TNIP2: variants seen among roughly 807,000 people sequenced by gnomAD.
TNIP2 encodes TNFAIP3 interacting protein 2, also known as TNFAIP3-interacting protein 2.
In TNIP2, 30 loss-of-function variants were observed where a neutral mutation model predicts 43.7. The observed-to-expected ratio is 0.69, with a 90% confidence interval of 0.51 to 0.93. The LOEUF is 0.93. Ranked by LOEUF, TNIP2 falls within the 40% of genes least tolerant of loss-of-function variation. TNIP2 has a pLI of 0.00. For synonymous variants in TNIP2, 260 were observed against 254.6 expected (o/e 1.02, Z -0.20); for missense variants, 599 against 591.0 (o/e 1.01, Z -0.14).
chr4:2,742,661 A>G, intron 5 of TNIP2, 141 bp from the exon 6 acceptor site: 2 of 859,828 alleles, frequency 2.3e-6, no homozygotes, highest in Non-Finnish European at 3.4e-6. Context: ...TGCGCCCCAG[A>G]GCCCAGACAA....
intron 2 of TNIP2, among the ~76,000 whole-genome samples, chr4:2,746,474 A>C (rs1669575131): frequency 6.6e-6 from 1 of 152,162 alleles, no homozygotes; most frequent in South Asian, 2.1e-4. Context: ...TCAGACCAGA[A>C]CACCCTGCCT....
Position 2,742,386 on chromosome 4 carries a change from AG to A in TNIP2, c.1160del (p.Pro387LeufsTer73). 6.2e-7 allele frequency: 1 copy of A among 1,609,596 alleles called. No homozygotes were observed. Among genetic ancestry groups the A allele is most frequent in the Non-Finnish European group, 8.5e-7 (1 of 1,177,728 alleles). On this transcript the variant is annotated frameshift_variant, in exon 6 of 6. Transcript: ENST00000315423. LOFTEE classifies it low-confidence loss of function (END_TRUNC). The stretch of plus-strand genomic sequence containing the variant: ...CCGCGCCAGGATGCCCGCCCTCTGC[AG>A]GGGGTTCTGGCTGCTGGGACCCAGT... ...PGTGSQQPEP[P>X]AEGGHPGAAQ...
In TNIP2 at chr4:2,742,513, C is replaced by G; in HGVS notation, c.1034G>C (p.Arg345Pro). 6.3e-7 allele frequency: 1 copy of G among 1,584,056 alleles called. No individual in the cohort carries two copies. The highest frequency in any genetic ancestry group is 8.6e-7 in the Non-Finnish European group (1 of 1,160,858). Residue 345 changes from arginine to proline, a missense_variant, in exon 6 of 6, where the codon CGA becomes CCA. Arg to Pro is a moderately radical substitution (Grantham distance 103). Transcript: ENST00000315423. ...LHQVSWRQDS[R>P]EPDAGRIHAG... Reference sequence around the variant, plus strand: ...GTGAATCCGGCCGGCGTCTGGCTCTCGAGAATCCTGGAGAAAAGGCAAGGG... The same window carrying G: ...GTGAATCCGGCCGGCGTCTGGCTCTGGAGAATCCTGGAGAAAAGGCAAGGG...
intron 1 of TNIP2, among the ~76,000 whole-genome samples, chr4:2,749,781 T>C (rs1196988322): frequency 6.6e-6 from 1 of 152,202 alleles, no homozygotes; most frequent in Non-Finnish European, 1.5e-5. Context: ...CCAACCCCAA[T>C]TACTTCTTAA....
At chr4:2,749,416 A>G (rs1722046091) in intron 1 of TNIP2, among the ~76,000 whole-genome samples, 1 of 152,264 alleles carries the variant, frequency 6.6e-6, no homozygotes, top group Non-Finnish European at 1.5e-5. Context: ...ACTTAGAGAT[A>G]GGGTCTTTGC....
chr4:2,755,917 C>A, intron 1 of TNIP2, 97 bp downstream of exon 1: 1 of 1,397,164 alleles, frequency 7.2e-7, no homozygotes, highest in Non-Finnish European at 9.3e-7. Context: ...CCCCTCAACC[C>A]CTCAGGACCC....
At position 2,744,739 on chromosome 4, in the gene TNIP2, G is replaced by A. The variant is rs755530753; in HGVS notation, c.864C>T (p.Ala288=). Reference sequence around the variant, plus strand: ...GCACCCGCTCCAACGCAGCATCCCGGGCCGTCCTGGAGGCCGCCAGCTCCT... The same window carrying A: ...GCACCCGCTCCAACGCAGCATCCCGAGCCGTCCTGGAGGCCGCCAGCTCCT... ...VKQELAASRT[A]RDAALERVQM... The change falls in exon 4 of 6, where the codon GCC becomes GCT. Residue 288 remains alanine (A), a synonymous_variant. Coordinates refer to ENST00000315423, the MANE Select transcript of TNIP2 (RefSeq NM_024309.4). The surrounding 1 kb of genome is among the most constrained non-coding windows in gnomAD (Gnocchi z 5.1). 9 of 1,606,954 alleles carry A rather than the reference G, an allele frequency of 5.6e-6. No homozygotes were observed. Among genetic ancestry groups the A allele is most frequent in the Admixed American group, 1.7e-5 (1 of 59,994 alleles).
At chr4:2,749,522 C>T (rs180866341) in intron 1 of TNIP2, among the ~76,000 whole-genome samples, 6 of 152,262 alleles carry the variant, frequency 3.9e-5, no homozygotes, top group Admixed American at 3.3e-4. Context: ...AGAGAGAAGA[C>T]GACCACGTGA....
At chr4:2,747,278 C>A (rs1481533455) in intron 2 of TNIP2, among the ~76,000 whole-genome samples, 12 of 152,222 alleles carry the variant, frequency 7.9e-5, no homozygotes, top group African/African-American at 2.9e-4. Context: ...GCAGTACCAC[C>A]TGGCTCTGCT....
chr4:2,755,877 C>G, intron 1 of TNIP2, 137 bp downstream of exon 1: 1 of 1,232,718 alleles, frequency 8.1e-7, no homozygotes, highest in Non-Finnish European at 1.0e-6. Flanking sequence ...CCTCAGGACC[C>G]GAGGCCAACT....
intron 1 of TNIP2, among the ~76,000 whole-genome samples, chr4:2,755,321 G>T (rs547127209): frequency 1.2e-3 from 181 of 150,400 alleles, no homozygotes; most frequent in African/African-American, 4.2e-3. Flanking sequence ...ACCCCCCTCG[G>T]AATGTGTTCC....
rs1455309285 is a variant in TNIP2, at chr4:2,747,389, G to C, written c.567+266C>G. 6 of 439,000 alleles carry C rather than the reference G, an allele frequency of 1.4e-5. No individual in the cohort carries two copies. The East Asian group carries it at 2.2e-4, about 16-fold the overall frequency. 27.2% of individuals were successfully genotyped at this position (439,000 alleles called of 1,614,324 possible). On this transcript the variant is annotated intron_variant, in intron 2 of 5. Transcript: ENST00000315423. ...CTCAGCTGAGGCAGATGAAAGCCAAGTGCCATCTCCCACCTGGGAGCGGGG... is the reference window on the plus strand; with the variant it reads ...CTCAGCTGAGGCAGATGAAAGCCAACTGCCATCTCCCACCTGGGAGCGGGG...
chr4:2,756,100 C>G lies in TNIP2; in HGVS notation c.190G>C (p.Val64Leu). 1 of 1,503,114 alleles carries G rather than the reference C, an allele frequency of 6.7e-7. No homozygotes were observed. The highest frequency in any genetic ancestry group is 2.2e-5 in the Admixed American group (1 of 45,076). The allele number at this position is 1,503,114 out of a possible 1,614,324, so 93.1% of individuals were successfully genotyped here. A position where few individuals can be genotyped will look rare whatever the true frequency, so the allele number is the denominator to read the frequency against. ...GCAACCTGCTCCAGCAGCGCGTCCA[C>G]TAGGGACGGCGCGGCGTCCCCCTCC... ...ALEGDAAPSL[V>L]DALLEQVARF... The change falls in exon 1 of 6, where the codon GTG becomes CTG. Residue 64 changes from valine to leucine, a missense_variant. By Grantham distance (32) the Val-to-Leu change is conservative. Coordinates refer to ENST00000315423, the MANE Select transcript of TNIP2 (RefSeq NM_024309.4).
At chr4:2,747,240 G>A (rs1721971554) in intron 2 of TNIP2, among the ~76,000 whole-genome samples, 1 of 152,208 alleles carries the variant, frequency 6.6e-6, no homozygotes, top group African/African-American at 2.4e-5. Flanking sequence ...AGTTTGGGGT[G>A]TGGAACTGGA....
chr4:2,745,476 T>A lies in TNIP2; in HGVS notation c.627A>T (p.Glu209Asp). The part of the protein sequence containing the change: ...VQSVIEKLQE[E>D]NRLLKQKVTH... ...TCACCTTCTGTTTTAACAGTCGATT[T>A]TCTTCCTGCAACTTCTCAATAACAC... The change falls in exon 3 of 6, where the codon GAA becomes GAT. Residue 209 changes from glutamate to aspartate, a missense_variant. Physicochemically the swap from Glu to Asp is conservative, Grantham distance 45. Coordinates refer to ENST00000315423, the MANE Select transcript of TNIP2 (RefSeq NM_024309.4). 1 of 1,614,042 alleles carries A rather than the reference T, an allele frequency of 6.2e-7. No homozygotes were observed. The highest frequency in any genetic ancestry group is 1.1e-5 in the South Asian group (1 of 91,032).
At position 2,744,489 on chromosome 4, in the gene TNIP2, A is replaced by G; in HGVS notation, c.924T>C (p.Asp308=). The change falls in exon 5 of 6, where the codon GAT becomes GAC. Residue 308 remains aspartate (D), a synonymous_variant. Coordinates refer to ENST00000315423, the MANE Select transcript of TNIP2 (RefSeq NM_024309.4). This position sits in a 1 kb window ranked among gnomAD's most constrained non-coding sequence, Gnocchi z 5.1. ...GATCGGCCCTTTCTGACATGAAGTC[A>G]TCCTTGTAAGCGAGAATCTGAAGAG... is the stretch of plus-strand genomic sequence containing the variant. ...MLEQQILAYK[D]DFMSERADRE... 6.2e-7 allele frequency: 1 copy of G among 1,614,142 alleles called. No individual in the cohort carries two copies. Among genetic ancestry groups the G allele is most frequent in the Non-Finnish European group, 8.5e-7 (1 of 1,180,000 alleles).
chr4:2,750,914 T>C (rs1304466612), intron 1 of TNIP2, among the ~76,000 whole-genome samples: 1 of 152,164 alleles, frequency 6.6e-6, no homozygotes, highest in East Asian at 1.9e-4. Flanking sequence ...CGTGGCTCTC[T>C]CTTGCCTCCA....
chr4:2,756,161 G>A lies in TNIP2; in HGVS notation c.129C>T (p.Ala43=). The A allele has an allele frequency of 3.4e-6, 5 of 1,477,850 alleles. No individual in the cohort carries two copies. The Admixed American group carries it at 1.2e-4, about 35-fold the overall frequency. 91.5% of individuals were successfully genotyped at this position (1,477,850 alleles called of 1,614,324 possible). ...GGCGGGCGCGGAGGCGAGCGATGAG[G>A]GCGTCGCGGGCAGCGAGCTGGTCCT... ...RLQDQLAARD[A]LIARLRARLA... is the part of the protein sequence containing the mutation. Residue 43 remains alanine, a synonymous_variant, in exon 1 of 6, where the codon GCC becomes GCT. Coordinates refer to ENST00000315423, the MANE Select transcript of TNIP2 (RefSeq NM_024309.4).
chr4:2,748,278 C>T (rs553792376), intron 1 of TNIP2, among the ~76,000 whole-genome samples: 66 of 152,208 alleles, frequency 4.3e-4, no homozygotes, highest in African/African-American at 1.5e-3. Context: ...CAGGTTCAAG[C>T]GATTCTCCCA....
Sources: gnomAD v4.1 joint callset for allele counts (sites outside exome capture counted in the v4.1 genomes callset) on GRCh38, gnomAD v4.1.1 for gene constraint, Gnocchi (gnomAD v3.1) non-coding constraint, MANE v1.5 for transcripts, NCBI Gene and HGNC (gene_info 2026-07-23, HGNC 2026-07-21) for gene names.